EIF3E: variants seen among roughly 807,000 people sequenced by gnomAD.
EIF3E encodes the protein eIF-3 p48.
In EIF3E, 25 loss-of-function variants were observed where a neutral mutation model predicts 59.3. The observed-to-expected ratio is 0.42, with a 90% CI of 0.31 to 0.59. The LOEUF (loss-of-function observed/expected upper bound fraction) is 0.59. Ranked by LOEUF, EIF3E falls within the 20% of genes least tolerant of loss-of-function variation. The pLI is 0.15. For missense variants in EIF3E, 317 were observed against 534.3 expected, an observed-to-expected ratio of 0.59 and a Z score of 4.01; for synonymous variants, 176 against 170.2, an observed-to-expected ratio of 1.03 and a Z score of -0.26.
intron 1 of EIF3E, chr8:108,242,297 A>T (rs1815854023): frequency 2.3e-6 from 3 of 1,290,354 alleles, no homozygotes; most frequent in Non-Finnish European, 3.0e-6. Context: ...ACATCCAGGT[A>T]ATCAGTAATA....
At chr8:108,207,826 CTCAGT>C (rs1269888376) in intron 10 of EIF3E, among the ~76,000 whole-genome samples, 1 of 152,116 alleles carries the variant, frequency 6.6e-6, no homozygotes, top group Non-Finnish European at 1.5e-5. Flanking sequence ...ATCTTTCATC[CTCAGT>C]TCAATTTAAT....
At chr8:108,235,154 C>T in intron 4 of EIF3E, 52 bp from the exon 5 acceptor site, 1 of 1,169,130 alleles carries the variant, frequency 8.6e-7, no homozygotes, top group African/African-American at 1.6e-5. Context: ...GTTTTAAAAC[C>T]CCATTGTAAT....
chr8:108,230,358 T>C (rs1815599526), intron 5 of EIF3E, among the ~76,000 whole-genome samples: 1 of 152,108 alleles, frequency 6.6e-6, no homozygotes, highest in South Asian at 2.1e-4. Flanking sequence ...GGGATTACAA[T>C]TATCACCTGA....
chr8:108,204,546 G>A (rs562272041), intron 10 of EIF3E, among the ~76,000 whole-genome samples: 2 of 151,690 alleles, frequency 1.3e-5, no homozygotes, highest in Admixed American at 6.6e-5. Context: ...TCCATGTAAC[G>A]AAACACCACG....
intron 1 of EIF3E, among the ~76,000 whole-genome samples, chr8:108,248,210 C>G (rs553328074): frequency 6.6e-6 from 1 of 152,170 alleles, no homozygotes; most frequent in African/African-American, 2.4e-5. Context: ...CACAGCCAAG[C>G]CCAGGCTTCC....
chr8:108,231,755 A>T (rs1815625831), intron 5 of EIF3E: 1 of 152,132 alleles, frequency 6.6e-6, no homozygotes, highest in Non-Finnish European at 1.5e-5. Context: ...ATTTCAATTA[A>T]CACATTTCTT....
intron 7 of EIF3E, 180 bp downstream of exon 7, chr8:108,228,087 C>T: frequency 3.4e-6 from 2 of 582,486 alleles, no homozygotes; most frequent in Non-Finnish European, 5.5e-6. Flanking sequence ...TACACTCTGT[C>T]AAATAGTTTA....
Position 108,217,472 on chromosome 8 carries a change from T to C in EIF3E, c.723-12A>G, listed in dbSNP as rs1281571385. 1 of 1,576,894 alleles carries C rather than the reference T, an allele frequency of 6.3e-7. No individual in the cohort carries two copies. The highest frequency in any genetic ancestry group is 1.2e-5 in the South Asian group (1 of 85,686). On this transcript the variant is annotated splice_polypyrimidine_tract_variant and intron_variant, in intron 7 of 12. Coordinates refer to ENST00000220849, the MANE Select transcript of EIF3E (RefSeq NM_001568.3). ...TTGCATTAAGATATCTAAGAAAAAA[T>C]ATAAAAGTTATTTAATAACTTACCC...
At chr8:108,206,794 T>A (rs1003468057) in intron 10 of EIF3E, among the ~76,000 whole-genome samples, 1 of 152,020 alleles carries the variant, frequency 6.6e-6, no homozygotes, top group African/African-American at 2.4e-5. Flanking sequence ...CAGAACAAGA[T>A]CCTGTGTCTT....
Position 108,242,621 on chromosome 8 carries a change from T to G in EIF3E, c.91-708A>C, listed in dbSNP as rs556641586. On this transcript the variant is annotated intron_variant, in intron 1 of 12. Coordinates refer to ENST00000220849, the MANE Select transcript of EIF3E (RefSeq NM_001568.3). ...ACAATATTTCACTGCCCACAAAAAA[T>G]AAAGATGAAGGTGGTCAAAGGGTAT... 11 of 1,165,656 alleles carry G rather than the reference T, an allele frequency of 9.4e-6. No individual in the cohort carries two copies. In the East Asian group the frequency reaches 6.5e-4, roughly 69 times the overall value. The allele number at this position is 1,165,656 out of a possible 1,614,324, so 72.2% of individuals were successfully genotyped here. A position where few individuals can be genotyped will look rare whatever the true frequency, so the allele number is the denominator to read the frequency against.
At chr8:108,203,592 A>G (rs1815038059) in intron 10 of EIF3E, 89 bp from the exon 11 acceptor site, 1 of 1,011,772 alleles carries the variant, frequency 9.9e-7, no homozygotes, top group African/African-American at 1.6e-5. Context: ...CTCTGCATAG[A>G]TACTTTTTGG....
chr8:108,235,167 A>G (rs574034351), intron 4 of EIF3E, 65 bp from the exon 5 acceptor site: 54 of 1,037,954 alleles, frequency 5.2e-5, no homozygotes, highest in Non-Finnish European at 7.0e-5. Flanking sequence ...ATTGTAATTC[A>G]TAAGTCTTTG....
At chr8:108,229,764 C>G (rs1288505139) in intron 5 of EIF3E, among the ~76,000 whole-genome samples, 1 of 152,092 alleles carries the variant, frequency 6.6e-6, no homozygotes, top group Non-Finnish European at 1.5e-5. Flanking sequence ...TTAGTGTTCT[C>G]CTGTAATCCT....
intron 1 of EIF3E, among the ~76,000 whole-genome samples, chr8:108,243,978 C>T (rs892748428): frequency 6.6e-6 from 1 of 152,210 alleles, no homozygotes; most frequent in African/African-American, 2.4e-5. Context: ...TCAGGTGTTA[C>T]TGTCCTGTTC....
At chr8:108,242,516 G>C in intron 1 of EIF3E, 1 of 1,173,908 alleles carries the variant, frequency 8.5e-7, no homozygotes, top group South Asian at 1.7e-5. Context: ...AAATATTCAC[G>C]GACAGAAATG....
At chr8:108,213,472 G>C (rs1815247982) in intron 10 of EIF3E, among the ~76,000 whole-genome samples, 1 of 152,182 alleles carries the variant, frequency 6.6e-6, no homozygotes. Flanking sequence ...AGCGGTAGTA[G>C]CTAAGTCAGT....
intron 1 of EIF3E, chr8:108,242,230 GTA>G (rs1444166400): frequency 7.7e-7 from 1 of 1,300,840 alleles, no homozygotes; most frequent in Non-Finnish European, 1.0e-6. Flanking sequence ...GCAAGGCTGT[GTA>G]TAAATAAAAC....
At chr8:108,245,066 A>T (rs79453772) in intron 1 of EIF3E, among the ~76,000 whole-genome samples, 6,874 of 151,860 alleles carry the variant, frequency 0.045, 214 homozygotes, top group South Asian at 0.14. Context: ...CTTTCCTTTG[A>T]TCAGTTTCTT....
At chr8:108,217,571 T>A in intron 7 of EIF3E, 111 bp from the exon 8 acceptor site, 1 of 802,710 alleles carries the variant, frequency 1.2e-6, no homozygotes, top group Non-Finnish European at 1.9e-6. Context: ...TGCAAACACT[T>A]AAGAATGAGT....
Sources: gnomAD v4.1 joint callset for allele counts (sites outside exome capture counted in the v4.1 genomes callset) on GRCh38, gnomAD v4.1.1 for gene constraint, MANE v1.5 for transcripts, NCBI Gene and HGNC (gene_info 2026-07-23, HGNC 2026-07-21) for gene names.